The following AQP7 variants were observed in gnomAD, a reference collection of about 807,000 sequenced individuals.
AQP7 encodes aquaporin 7.
Under a neutral mutation model 26.1 loss-of-function variants are expected in AQP7, and 22 were observed. The observed-to-expected ratio is 0.84, with a 90% CI of 0.60 to 1.20. The LOEUF (loss-of-function observed/expected upper bound fraction) is 1.20, where lower values mean the gene tolerates loss of function less well. Ranked by LOEUF, AQP7 falls within the 50% of genes most tolerant of loss-of-function variation. The probability of loss-of-function intolerance (pLI) is 0.00; values close to 1 mark genes in which losing one functional copy is unlikely to be tolerated. For synonymous variants in AQP7, 167 were observed against 181.7 expected (o/e 0.92, Z 0.65); for missense variants, 412 against 457.5 (o/e 0.90, Z 0.91).
At chr9:33,390,033 A>G (rs1423365416) in intron 3 of AQP7, among the ~76,000 whole-genome samples, 2 of 151,386 alleles carry the variant, frequency 1.3e-5, no homozygotes, top group Non-Finnish European at 3.0e-5. Context: ...GTCTCAAAAA[A>G]AAAAAAAAAA....
intron 3 of AQP7, among the ~76,000 whole-genome samples, chr9:33,392,950 G>A (rs374335746): frequency 2.0e-5 from 3 of 152,272 alleles, no homozygotes; most frequent in Middle Eastern, 3.4e-3. Context: ...GTTGTGGGCC[G>A]GGCGAGGTGA....
chr9:33,389,218 A>G (rs1412448712), intron 3 of AQP7, among the ~76,000 whole-genome samples: 11 of 152,070 alleles, frequency 7.2e-5, no homozygotes, highest in Admixed American at 6.6e-5. Flanking sequence ...TAGTAGAGAC[A>G]GGGTTTCACG....
At chr9:33,386,767 G>C (rs112959365) in intron 4 of AQP7, among the ~76,000 whole-genome samples, 7 of 152,348 alleles carry the variant, frequency 4.6e-5, no homozygotes, top group African/African-American at 1.4e-4. Context: ...GACCCAGCCA[G>C]TGAAAATGGT....
intron 3 of AQP7, among the ~76,000 whole-genome samples, chr9:33,392,977 C>T (rs1202423619): frequency 1.3e-5 from 2 of 152,208 alleles, no homozygotes; most frequent in Non-Finnish European, 2.9e-5. Context: ...CCAGCAATCC[C>T]AGCACTTTGG....
chr9:33,385,048 G>C lies in AQP7; in HGVS notation c.986C>G (p.Pro329Arg), dbSNP rs1168854859. Residue 329 changes from proline (P) to arginine (R), a missense_variant, in exon 8 of 8, where the codon CCT becomes CGT. Pro to Arg is a moderately radical substitution (Grantham distance 103). Transcript: ENST00000297988. ...CATGGATTCATGTAAGGGTGGGGCA[G>C]GGTGGACTGAAGATCTGTTGGCAGG... ...VSPANRSSVHPAPPLHESMAL... is the reference protein window; with the variant it reads ...VSPANRSSVHRAPPLHESMAL... 6.2e-7 allele frequency: 1 copy of C among 1,611,944 alleles called. No homozygotes were observed.
intron 4 of AQP7, 92 bp downstream of exon 4, chr9:33,386,877 G>A: frequency 1.3e-6 from 2 of 1,573,750 alleles, no homozygotes; most frequent in Non-Finnish European, 1.7e-6. Context: ...GGCACTGGCT[G>A]TGCTGGCAAA....
Position 33,395,129 on chromosome 9 carries a change from C to G in AQP7, c.93G>C (p.Arg31Ser), listed in dbSNP as rs776252656. 1.2e-6 allele frequency: 2 copies of G among 1,613,726 alleles called. No individual in the cohort carries two copies. Among genetic ancestry groups the G allele is most frequent in the Non-Finnish European group, 1.7e-6 (2 of 1,179,812 alleles). Residue 31 changes from arginine (R) to serine (S), a missense_variant, in exon 3 of 8, where the codon AGG becomes AGC. By Grantham distance (110) the Arg-to-Ser change is moderately radical. Coordinates refer to ENST00000297988, the MANE Select transcript of AQP7 (RefSeq NM_001170.3). Reference protein sequence around the residue: ...VIAKIQEILQRKMVREFLAEF... With the variant: ...VIAKIQEILQSKMVREFLAEF... ...CGGCCAGGAACTCTCGCACCATCTT[C>G]CTCTGCAGTATTTCCTGGATCTTTG... is the stretch of plus-strand genomic sequence containing the variant.
chr9:33,390,661 A>G (rs1825303655), intron 3 of AQP7, among the ~76,000 whole-genome samples: 1 of 152,050 alleles, frequency 6.6e-6, no homozygotes, highest in Non-Finnish European at 1.5e-5. Flanking sequence ...GCAGGAGAGG[A>G]CAGGAACAGA....
At chr9:33,390,422 A>G (rs1185366322) in intron 3 of AQP7, among the ~76,000 whole-genome samples, 1 of 151,930 alleles carries the variant, frequency 6.6e-6, no homozygotes, top group African/African-American at 2.4e-5. Context: ...GAACACAGGA[A>G]GTGTTGATTA....
At position 33,385,185 on chromosome 9, in the gene AQP7, C is replaced by T. The variant is rs1564165801; in HGVS notation, c.849G>A (p.Glu283=). The part of the protein sequence containing the change: ...LVFIGSTIPR[E]PLKLEDSVAY... The stretch of plus-strand genomic sequence containing the variant: ...CCACAGAATCCTCCAATTTCAGGGG[C>T]TCCCGTGGGATGGTGGAGCCAATGA... The change falls in exon 8 of 8, where the codon GAG becomes GAA. Residue 283 remains glutamate (E), a synonymous_variant. Transcript: ENST00000297988. 5.0e-6 allele frequency: 8 copies of T among 1,611,964 alleles called. No individual in the cohort carries two copies. Among genetic ancestry groups the T allele is most frequent in the Middle Eastern group, 2.3e-4 (1 of 4,430 alleles).
At chr9:33,399,782 G>A (rs867258837) in intron 2 of AQP7, among the ~76,000 whole-genome samples, 1 of 152,104 alleles carries the variant, frequency 6.6e-6, no homozygotes, top group Non-Finnish European at 1.5e-5. Context: ...GGGAGGTGAG[G>A]CCTGAAGGGG....
intron 2 of AQP7, among the ~76,000 whole-genome samples, chr9:33,396,031 G>A (rs925886521): frequency 6.6e-6 from 1 of 152,198 alleles, no homozygotes; most frequent in African/African-American, 2.4e-5. Flanking sequence ...TAAGTGCACG[G>A]TTAGATGGAA....
In AQP7 at chr9:33,390,000, C is replaced by G. The variant is rs1825230127; in HGVS notation, c.145-2908G>C. Among the ~76,000 whole-genome samples, 6 of 147,814 alleles carry G rather than the reference C, an allele frequency of 4.1e-5. No homozygotes were observed. In the South Asian group the frequency reaches 1.3e-3, roughly 32 times the overall value. ...CCGAGATCACGCCACTACACTCCAG[C>G]CTGGGTGACAGAGCAAGACTCCGTC... is the stretch of plus-strand genomic sequence containing the variant. On this transcript the variant is annotated intron_variant, in intron 3 of 7. Coordinates refer to ENST00000297988, the MANE Select transcript of AQP7 (RefSeq NM_001170.3).
chr9:33,387,719 C>G (rs537745176), intron 3 of AQP7, among the ~76,000 whole-genome samples: 1 of 152,096 alleles, frequency 6.6e-6, no homozygotes, highest in African/African-American at 2.4e-5. Context: ...CCTTCAGGCC[C>G]ATTAGCCTCA....
At chr9:33,389,614 C>T (rs113003806) in intron 3 of AQP7, among the ~76,000 whole-genome samples, 3 of 152,132 alleles carry the variant, frequency 2.0e-5, no homozygotes, top group African/African-American at 7.2e-5. Flanking sequence ...ATACAGATGG[C>T]TTGTATTGTA....
Position 33,384,971 on chromosome 9 carries a change from T to C in AQP7, c.*34A>G, listed in dbSNP as rs769564313. The C allele has an allele frequency of 1.9e-6, 3 of 1,569,934 alleles. No individual in the cohort carries two copies. In the East Asian group the frequency reaches 6.8e-5, roughly 35 times the overall value. On this transcript the variant is annotated 3_prime_UTR_variant, in exon 8 of 8. Coordinates refer to ENST00000297988, the MANE Select transcript of AQP7 (RefSeq NM_001170.3). ...CTGCTGTCGGACAAGCCTTGCTTTA[T>C]TGGGGAATGGATGGGATCACAAATA... is the stretch of plus-strand genomic sequence containing the variant.
Position 33,386,065 on chromosome 9 carries a change from T to G in AQP7, c.525+12A>C. ...AGGGCAGGGGGAGGGATACTCATCC[T>G]CGACCACTGACCTCATTCAGGAAGC... On this transcript the variant is annotated intron_variant, in intron 6 of 7. Coordinates refer to ENST00000297988, the MANE Select transcript of AQP7 (RefSeq NM_001170.3). 2 of 1,612,598 alleles carry G rather than the reference T, an allele frequency of 1.2e-6. No homozygotes were observed. The highest frequency in any genetic ancestry group is 1.7e-6 in the Non-Finnish European group (2 of 1,179,816).
At chr9:33,391,890 C>A (rs1413620855) in intron 3 of AQP7, among the ~76,000 whole-genome samples, 1 of 152,182 alleles carries the variant, frequency 6.6e-6, no homozygotes, top group Non-Finnish European at 1.5e-5. Context: ...GAAACTGAGG[C>A]CGAGAGAGGC....
chr9:33,386,310 T>A, intron 5 of AQP7, 94 bp downstream of exon 5: 1 of 1,595,106 alleles, frequency 6.3e-7, no homozygotes, highest in African/African-American at 1.3e-5. Flanking sequence ...TTCTCCCAGC[T>A]ATTTTTTACA....
Sources: gnomAD v4.1 joint callset for allele counts (sites outside exome capture counted in the v4.1 genomes callset) on GRCh38, gnomAD v4.1.1 for gene constraint, MANE v1.5 for transcripts, NCBI Gene and HGNC (gene_info 2026-07-23, HGNC 2026-07-21) for gene names.